FAM13A: variants seen among roughly 807,000 people sequenced by gnomAD.
The protein encoded by FAM13A is family with sequence similarity 13 member A.
FAM13A carries 76 observed loss-of-function variants against 129.6 expected under a neutral mutation model. The ratio of observed to expected loss-of-function variants is 0.59; its 90% CI spans 0.49 to 0.71. FAM13A has a LOEUF of 0.71. Among genes scored for constraint, FAM13A ranks in the 30% least tolerant of loss-of-function variants. The pLI is 0.00. For synonymous variants in FAM13A, 443 were observed against 449.9 expected, an observed-to-expected ratio of 0.98 and a Z score of 0.20; for missense variants, 1,108 against 1,249.3, an observed-to-expected ratio of 0.89 and a Z score of 1.70.
chr4:88,849,082 A>G (rs1228947884), intron 7 of FAM13A, among the ~76,000 whole-genome samples: 1 of 152,224 alleles, frequency 6.6e-6, no homozygotes, highest in African/African-American at 2.4e-5. Context: ...ATGTTTCTCA[A>G]GAGAAGCGCC....
intron 3 of FAM13A, among the ~76,000 whole-genome samples, chr4:89,003,676 A>C (rs2149062232): frequency 6.6e-6 from 1 of 152,226 alleles, no homozygotes; most frequent in Non-Finnish European, 1.5e-5. Context: ...AAAAAAGACA[A>C]ATATTGTCAG....
chr4:89,024,995 A>T (rs982848664), intron 2 of FAM13A, among the ~76,000 whole-genome samples: 2 of 152,172 alleles, frequency 1.3e-5, no homozygotes, highest in African/African-American at 4.8e-5. Context: ...GCATTACCCG[A>T]ATACACCCTG....
intron 6 of FAM13A, among the ~76,000 whole-genome samples, chr4:88,880,535 C>T (rs1232662839): frequency 6.6e-6 from 1 of 152,068 alleles, no homozygotes; most frequent in Non-Finnish European, 1.5e-5. Flanking sequence ...GGAGAAGGAA[C>T]CTTCTAGCTG....
intron 14 of FAM13A, among the ~76,000 whole-genome samples, chr4:88,752,489 T>G (rs1742829460): frequency 2.0e-5 from 3 of 152,186 alleles, no homozygotes; most frequent in Admixed American, 2.0e-4. Flanking sequence ...TATCTGGAAA[T>G]GCAGATAAAA....
rs200132739 is a variant in FAM13A, at chr4:88,851,040, A to G, written c.987T>C (p.Ile329=). 9.9e-6 allele frequency: 16 copies of G among 1,613,948 alleles called. No individual in the cohort carries two copies. The highest frequency in any genetic ancestry group is 1.4e-5 in the Non-Finnish European group (16 of 1,179,962). Residue 329 remains isoleucine, a synonymous_variant, in exon 7 of 24, where the codon ATT becomes ATC. Coordinates refer to ENST00000264344, the MANE Select transcript of FAM13A (RefSeq NM_014883.4). ...LEDMNSAEGA[I]SAKLVPSSQE... is the part of the protein sequence containing the mutation. The stretch of plus-strand genomic sequence containing the variant: ...CCAACCTGGGTACCAACTTGGCACT[A>G]ATAGCACCCTCTGCTGAATTCATGT...
intron 3 of FAM13A, among the ~76,000 whole-genome samples, chr4:89,012,136 C>T (rs1209866265): frequency 6.6e-6 from 1 of 152,130 alleles, no homozygotes; most frequent in East Asian, 1.9e-4. Flanking sequence ...TCTAGTTAAT[C>T]CTAAATTAAA....
At chr4:88,732,895 A>G (rs960868681) in intron 21 of FAM13A, among the ~76,000 whole-genome samples, 18 of 152,068 alleles carry the variant, frequency 1.2e-4, no homozygotes, top group African/African-American at 4.3e-4. Context: ...TAATGCAAAT[A>G]GAAAAATAAT....
chr4:88,772,453 A>C (rs1720868958), intron 11 of FAM13A, among the ~76,000 whole-genome samples: 1 of 152,160 alleles, frequency 6.6e-6, no homozygotes, highest in South Asian at 2.1e-4. Context: ...GCAACAATAC[A>C]TTTCCCAGCC....
intron 1 of FAM13A, among the ~76,000 whole-genome samples, chr4:89,054,856 T>C (rs1371815500): frequency 6.6e-6 from 1 of 152,104 alleles, no homozygotes; most frequent in African/African-American, 2.4e-5. Context: ...CACCTCACCA[T>C]AGCTCAGGGA....
chr4:88,821,957 A>G (rs1173217094), intron 7 of FAM13A, among the ~76,000 whole-genome samples: 1 of 152,152 alleles, frequency 6.6e-6, no homozygotes, highest in African/African-American at 2.4e-5. Flanking sequence ...TTTAAAGCTT[A>G]TTTTTCATTG....
At chr4:88,999,393 T>C (rs1296378724) in intron 3 of FAM13A, among the ~76,000 whole-genome samples, 1 of 152,166 alleles carries the variant, frequency 6.6e-6, no homozygotes, top group African/African-American at 2.4e-5. Flanking sequence ...TGTATGAGAA[T>C]TTATGTACCG....
chr4:88,952,076 T>C (rs544983272), intron 4 of FAM13A, among the ~76,000 whole-genome samples: 2 of 152,248 alleles, frequency 1.3e-5, no homozygotes. Context: ...GAATAACCCA[T>C]TGTTCTTATC....
At chr4:89,044,095 C>CAAAAAAAA (rs148233625) in intron 1 of FAM13A, among the ~76,000 whole-genome samples, 1 of 116,188 alleles carries the variant, frequency 8.6e-6, no homozygotes, top group Non-Finnish European at 1.8e-5. Context: ...GAGACCATAT[C>CAAAAAAAA]AAAAAAAAAG....
intron 6 of FAM13A, among the ~76,000 whole-genome samples, chr4:88,862,094 T>C (rs895091345): frequency 6.6e-6 from 1 of 152,204 alleles, no homozygotes; most frequent in African/African-American, 2.4e-5. Context: ...GAGACTAAAT[T>C]AGACTTATTT....
intron 6 of FAM13A, among the ~76,000 whole-genome samples, chr4:88,897,087 G>C (rs933584608): frequency 6.6e-6 from 1 of 152,162 alleles, no homozygotes; most frequent in East Asian, 1.9e-4. Flanking sequence ...AAGTAAATGG[G>C]TTGTGAGGCT....
At chr4:88,869,914 C>T (rs1741063564) in intron 6 of FAM13A, among the ~76,000 whole-genome samples, 1 of 152,074 alleles carries the variant, frequency 6.6e-6, no homozygotes, top group African/African-American at 2.4e-5. Flanking sequence ...AATATGTGCC[C>T]AGATGAAATA....
intron 9 of FAM13A, among the ~76,000 whole-genome samples, chr4:88,788,875 A>G (rs1724533312): frequency 6.6e-6 from 1 of 152,154 alleles, no homozygotes. Context: ...GATTTTTCAA[A>G]TGCAGTTTTA....
At chr4:88,990,726 T>G (rs1762825948) in intron 4 of FAM13A, 1 of 365,392 alleles carries the variant, frequency 2.7e-6, no homozygotes, top group Admixed American at 4.3e-5. Flanking sequence ...ATATAACTTA[T>G]TTCCAGATTT....
intron 7 of FAM13A, among the ~76,000 whole-genome samples, chr4:88,814,586 TA>T (rs1432107269): frequency 6.6e-6 from 1 of 152,156 alleles, no homozygotes; most frequent in African/African-American, 2.4e-5. Flanking sequence ...CTTATAAAAA[TA>T]AAACACAGGG....
Sources: gnomAD v4.1 joint callset for allele counts (sites outside exome capture counted in the v4.1 genomes callset) on GRCh38, gnomAD v4.1.1 for gene constraint, MANE v1.5 for transcripts, NCBI Gene and HGNC (gene_info 2026-07-23, HGNC 2026-07-21) for gene names.